Variants in SLC25A20 observed in about 807,000 individuals in gnomAD.
SLC25A20 encodes the protein mitochondrial carnitine/acylcarnitine carrier protein.
In SLC25A20, 29 loss-of-function variants were observed where a neutral mutation model predicts 39.7. The ratio of observed to expected loss-of-function variants is 0.73; its 90% confidence interval spans 0.54 to 1.00. The LOEUF (loss-of-function observed/expected upper bound fraction) is 1.00, where lower values mean the gene tolerates loss of function less well. SLC25A20 is among the 50% of genes least tolerant of loss of function. The pLI, the probability that SLC25A20 is intolerant of heterozygous loss-of-function variation, is 0.00. For missense variants in SLC25A20, 333 were observed against 379.9 expected (o/e 0.88, Z 1.03); for synonymous variants, 103 against 142.2 (o/e 0.72, Z 1.96).
intron 4 of SLC25A20, among the ~76,000 whole-genome samples, chr3:48,865,664 G>C (rs1429015685): frequency 6.6e-6 from 1 of 150,602 alleles, no homozygotes; most frequent in East Asian, 1.9e-4. Context: ...AGCTACTTGG[G>C]AGGCTGAGGC....
chr3:48,872,681 T>A (rs1410076357), intron 4 of SLC25A20, among the ~76,000 whole-genome samples: 2 of 133,146 alleles, frequency 1.5e-5, no homozygotes, highest in African/African-American at 5.8e-5. Context: ...CAAGACCCCA[T>A]CCTTACAAAA....
chr3:48,879,536 A>G, intron 3 of SLC25A20, 88 bp from the exon 4 acceptor site: 2 of 899,410 alleles, frequency 2.2e-6, no homozygotes, highest in South Asian at 2.6e-5. Flanking sequence ...CAGTTTTGTA[A>G]GAAAAAAAAT....
rs755739220 is a variant in SLC25A20 at position 48,857,968 on chromosome 3, CT to C, written c.844-197del. Reference sequence around the variant, plus strand: ...ATTTATATTCCACAACTGCCCACTTCTTTTTTTTTTTTTTTTGAGATGGAGT... The same window carrying C: ...ATTTATATTCCACAACTGCCCACTTCTTTTTTTTTTTTTTTGAGATGGAGT... On this transcript the variant is annotated intron_variant, in intron 8 of 8. Transcript: ENST00000319017. Among the ~76,000 whole-genome samples the C allele has an allele frequency of 8.9e-3, 1,225 of 138,178 alleles. 13 individuals are homozygous for C. Among genetic ancestry groups the C allele is most frequent in the African/African-American group, 0.023 (883 of 38,028 alleles). The allele number at this position is 138,178 out of a possible 152,430, so 90.7% of individuals were successfully genotyped here.
At chr3:48,861,928 T>G (rs2083631359) in intron 5 of SLC25A20, among the ~76,000 whole-genome samples, 1 of 152,102 alleles carries the variant, frequency 6.6e-6, no homozygotes, top group African/African-American at 2.4e-5. Flanking sequence ...CTTGGGAGGC[T>G]GAGGGAGGAG....
At chr3:48,897,365 A>ATTTTT (rs1372803902) in intron 1 of SLC25A20, among the ~76,000 whole-genome samples, 2 of 104,346 alleles carry the variant, frequency 1.9e-5, no homozygotes, top group Non-Finnish European at 4.0e-5. Context: ...ATATATATAT[A>ATTTTT]TATTTTTTTT....
intron 4 of SLC25A20, among the ~76,000 whole-genome samples, chr3:48,868,017 C>T (rs549146250): frequency 3.3e-5 from 5 of 150,976 alleles, no homozygotes; most frequent in African/African-American, 1.2e-4. Context: ...GCCGAGATGG[C>T]GCCACTGCAC....
chr3:48,893,757 T>A (rs2083893394), intron 1 of SLC25A20, among the ~76,000 whole-genome samples: 1 of 149,460 alleles, frequency 6.7e-6, no homozygotes, highest in African/African-American at 2.5e-5. Flanking sequence ...CTGGAACTCC[T>A]GGACTCATAC....
intron 4 of SLC25A20, among the ~76,000 whole-genome samples, chr3:48,867,533 G>A (rs1575982151): frequency 6.6e-6 from 1 of 151,314 alleles, no homozygotes; most frequent in Non-Finnish European, 1.5e-5. Flanking sequence ...GGGATTACAG[G>A]CGTGAGCCAC....
chr3:48,876,677 G>A (rs1183659024), intron 4 of SLC25A20, among the ~76,000 whole-genome samples: 1 of 151,320 alleles, frequency 6.6e-6, no homozygotes, highest in Non-Finnish European at 1.5e-5. Flanking sequence ...CACCCGCCTC[G>A]ACCTCCCAAA....
intron 4 of SLC25A20, among the ~76,000 whole-genome samples, chr3:48,866,917 C>G (rs1431198494): frequency 6.6e-6 from 1 of 152,002 alleles, no homozygotes; most frequent in Non-Finnish European, 1.5e-5. Flanking sequence ...TCTCAGACTC[C>G]CGAGTAGCTG....
intron 2 of SLC25A20, among the ~76,000 whole-genome samples, chr3:48,889,182 T>A (rs1472181380): frequency 1.3e-5 from 2 of 151,732 alleles, no homozygotes; most frequent in Non-Finnish European, 2.9e-5. Context: ...ATTATTATTA[T>A]TAATATTATT....
chr3:48,871,982 A>ATT (rs71077746), intron 4 of SLC25A20, among the ~76,000 whole-genome samples: 906 of 56,714 alleles, frequency 0.016, 90 homozygotes, highest in Middle Eastern at 0.096. Flanking sequence ...TGCCCAGCTA[A>ATT]TTTTTTTTTT....
At position 48,898,874 on chromosome 3, in the gene SLC25A20, C is replaced by G. The variant is rs551279923; in HGVS notation, c.-80G>C. 4.6e-5 allele frequency: 64 copies of G among 1,402,128 alleles called. No individual in the cohort carries two copies. The Middle Eastern group carries it at 1.3e-3, about 28-fold the overall frequency. 86.9% of individuals were successfully genotyped at this position (1,402,128 alleles called of 1,614,324 possible). A position where few individuals can be genotyped will look rare whatever the true frequency, so the allele number is the denominator to read the frequency against. On this transcript the variant is annotated 5_prime_UTR_variant, in exon 1 of 9. Coordinates refer to ENST00000319017, the MANE Select transcript of SLC25A20 (RefSeq NM_000387.6). ...GCCCCAGCTGCAGTGCCGGCGCCGC[C>G]GACCTTTCACCCACTTTTGGGTGGG... is the stretch of plus-strand genomic sequence containing the variant.
At chr3:48,876,243 G>T (rs2083755986) in intron 4 of SLC25A20, among the ~76,000 whole-genome samples, 1 of 150,876 alleles carries the variant, frequency 6.6e-6, no homozygotes, top group Non-Finnish European at 1.5e-5. Flanking sequence ...TGGGGAGGCT[G>T]AGGCAGGAGA....
intron 4 of SLC25A20, among the ~76,000 whole-genome samples, chr3:48,870,558 CT>C (rs752195846): frequency 1.8e-3 from 227 of 123,486 alleles, no homozygotes; most frequent in African/African-American, 4.3e-3. Context: ...TTTTCTTTTT[CT>C]TTTTTTTTTT....
intron 5 of SLC25A20, 76 bp from the exon 6 acceptor site, chr3:48,859,703 CAG>C: frequency 8.4e-7 from 1 of 1,195,260 alleles, no homozygotes; most frequent in Non-Finnish European, 1.2e-6. Context: ...CCTGTAATCT[CAG>C]CAATTTAGGA....
At chr3:48,893,082 G>A (rs1182010126) in intron 1 of SLC25A20, among the ~76,000 whole-genome samples, 1 of 151,256 alleles carries the variant, frequency 6.6e-6, no homozygotes, top group Non-Finnish European at 1.5e-5. Context: ...GCTGGAGTGC[G>A]GCGGTGTGGT....
intron 2 of SLC25A20, among the ~76,000 whole-genome samples, chr3:48,889,667 G>C (rs2083858940): frequency 1.3e-5 from 2 of 151,894 alleles, no homozygotes; most frequent in Admixed American, 6.6e-5. Context: ...CTGCAGTGTG[G>C]GCAAAGGATT....
chr3:48,885,065 T>A lies in SLC25A20; in HGVS notation c.199-941A>T, dbSNP rs547978306. Among the ~76,000 whole-genome samples the A allele has an allele frequency of 2.8e-3, 433 of 152,164 alleles. 4 individuals carry two copies. Among genetic ancestry groups the A allele is most frequent in the African/African-American group, 9.9e-3 (411 of 41,558 alleles). ...CACAGTTTAGTAATGAAAGGGAAGA[T>A]GAGCCTGGGCAGCATAGCAAGACCC... On this transcript the variant is annotated intron_variant, in intron 2 of 8. Coordinates refer to ENST00000319017, the MANE Select transcript of SLC25A20 (RefSeq NM_000387.6).
Sources: allele counts gnomAD v4.1 joint callset (sites outside exome capture counted in the v4.1 genomes callset), GRCh38; gene constraint gnomAD v4.1.1; transcripts MANE v1.5; gene names NCBI Gene and HGNC (gene_info 2026-07-23, HGNC 2026-07-21).